Variants in LIMD1 observed in about 807,000 individuals in gnomAD.
LIMD1 encodes the protein LIM domain containing 1.
In LIMD1, 23 loss-of-function variants were observed where a neutral mutation model predicts 58.4. The ratio of observed to expected loss-of-function variants is 0.39; its 90% CI spans 0.28 to 0.56. The LOEUF (loss-of-function observed/expected upper bound fraction) is 0.56. Among genes scored for constraint, LIMD1 ranks in the 20% least tolerant of loss-of-function variants. LIMD1 has a pLI of 0.57. For synonymous variants in LIMD1, 334 were observed against 345.5 expected, an observed-to-expected ratio of 0.97 and a Z score of 0.37; for missense variants, 838 against 855.5, an observed-to-expected ratio of 0.98 and a Z score of 0.25.
At chr3:45,650,495 C>T (rs1157669133) in intron 2 of LIMD1, among the ~76,000 whole-genome samples, 4 of 143,598 alleles carry the variant, frequency 2.8e-5, no homozygotes, top group Non-Finnish European at 3.0e-5. Flanking sequence ...CAGCCCCCCA[C>T]CCCCCCCAAC....
chr3:45,652,758 A>G (rs1170374182), intron 2 of LIMD1, among the ~76,000 whole-genome samples: 1 of 152,180 alleles, frequency 6.6e-6, no homozygotes, highest in Non-Finnish European at 1.5e-5. Flanking sequence ...GACTTTGGTT[A>G]GTTTCCTCAC....
chr3:45,672,767 G>A lies in LIMD1; in HGVS notation c.1719G>A (p.Val573=). ...TCTGTAATGAGTGTTTGGATGGGGT[G>A]CCCTTCACCGTGGACTCAGAGAACA... ...CVICNECLDG[V]PFTVDSENKI... Residue 573 remains valine (V), a synonymous_variant, in exon 5 of 8, where the codon GTG becomes GTA. Coordinates refer to ENST00000273317, the MANE Select transcript of LIMD1 (RefSeq NM_014240.3). The A allele has an allele frequency of 6.2e-7, 1 of 1,614,064 alleles. No individual in the cohort carries two copies. Among genetic ancestry groups the A allele is most frequent in the Non-Finnish European group, 8.5e-7 (1 of 1,179,960 alleles).
chr3:45,606,542 C>G (rs534035114), intron 1 of LIMD1, among the ~76,000 whole-genome samples: 1 of 152,332 alleles, frequency 6.6e-6, no homozygotes, highest in Non-Finnish European at 1.5e-5. Flanking sequence ...GCACAAGTGC[C>G]TCCCTGCAGG....
intron 2 of LIMD1, among the ~76,000 whole-genome samples, chr3:45,646,666 C>T (rs550548508): frequency 2.6e-5 from 4 of 151,468 alleles, no homozygotes; most frequent in African/African-American, 9.7e-5. Flanking sequence ...TATTGGACTG[C>T]ATGTAAAGCC....
At chr3:45,644,314 CT>C (rs1224335237) in intron 2 of LIMD1, among the ~76,000 whole-genome samples, 1 of 152,150 alleles carries the variant, frequency 6.6e-6, no homozygotes, top group Non-Finnish European at 1.5e-5. Flanking sequence ...AATCCTTTCC[CT>C]TTTTTGTTGA....
intron 1 of LIMD1, among the ~76,000 whole-genome samples, chr3:45,627,485 G>A (rs17078140): frequency 0.069 from 10,518 of 152,158 alleles, 1,180 homozygotes; most frequent in African/African-American, 0.24. Context: ...TGGCACTTGT[G>A]ATGTTTAATA....
intron 2 of LIMD1, 92 bp from the exon 3 acceptor site, chr3:45,665,558 C>A: frequency 1.0e-6 from 1 of 1,002,030 alleles, no homozygotes; most frequent in Non-Finnish European, 1.6e-6. Flanking sequence ...GTGTTTATTT[C>A]TGCCTAAAGA....
rs1701815484 is a variant in LIMD1, at chr3:45,638,961, T to G, written c.1510+2710T>G. Among the ~76,000 whole-genome samples, 5 of 152,302 alleles carry G rather than the reference T, an allele frequency of 3.3e-5. No homozygotes were observed. In the South Asian group the frequency reaches 6.2e-4, roughly 19 times the overall value. ...ATGTAATTGTAGCTCACTGCAGCCT[T>G]GAACTCAAGCAACCCTTCTGCCTTA... is the stretch of plus-strand genomic sequence containing the variant. On this transcript the variant is annotated intron_variant, in intron 2 of 7. Transcript: ENST00000273317.
chr3:45,621,284 C>T (rs35494712), intron 1 of LIMD1, among the ~76,000 whole-genome samples: 7,104 of 152,128 alleles, frequency 0.047, 201 homozygotes, highest in East Asian at 0.14. Context: ...GACTGGACTG[C>T]AGTGGTGTGA....
chr3:45,665,334 C>T (rs945627047), intron 2 of LIMD1, among the ~76,000 whole-genome samples: 7 of 151,904 alleles, frequency 4.6e-5, no homozygotes, highest in Non-Finnish European at 1.0e-4. Flanking sequence ...CCTCTGCTGT[C>T]CTGCCACCAA....
intron 1 of LIMD1, among the ~76,000 whole-genome samples, chr3:45,604,774 G>C (rs1046833820): frequency 1.3e-5 from 2 of 152,178 alleles, no homozygotes; most frequent in African/African-American, 4.8e-5. Context: ...GTCCCGACAT[G>C]GATTCCCACA....
chr3:45,630,711 T>TG (rs901022121), intron 1 of LIMD1, among the ~76,000 whole-genome samples: 64 of 149,404 alleles, frequency 4.3e-4, no homozygotes, highest in East Asian at 1.6e-3. Context: ...CCCCTCATGA[T>TG]GGGGGGGGTT....
chr3:45,666,686 C>G (rs547589865), intron 3 of LIMD1, among the ~76,000 whole-genome samples: 1 of 152,298 alleles, frequency 6.6e-6, no homozygotes, highest in African/African-American at 2.4e-5. Flanking sequence ...GCTGTTAGCC[C>G]TGAGCAGTAT....
chr3:45,661,833 A>G (rs543678498), intron 2 of LIMD1, among the ~76,000 whole-genome samples: 1 of 152,326 alleles, frequency 6.6e-6, no homozygotes, highest in Non-Finnish European at 1.5e-5. Flanking sequence ...ATCTCAGCTC[A>G]CTGCAGTCTC....
chr3:45,612,582 G>A (rs1220691610), intron 1 of LIMD1, among the ~76,000 whole-genome samples: 1 of 152,184 alleles, frequency 6.6e-6, no homozygotes, highest in African/African-American at 2.4e-5. Flanking sequence ...GTAGTTCAGT[G>A]AGTTTTGACA....
intron 1 of LIMD1, among the ~76,000 whole-genome samples, chr3:45,625,176 A>G (rs1186454500): frequency 6.6e-6 from 1 of 152,040 alleles, no homozygotes; most frequent in African/African-American, 2.4e-5. Flanking sequence ...GATTTCTCTT[A>G]TGTGTGTTAT....
chr3:45,611,954 A>G (rs1701528425), intron 1 of LIMD1, among the ~76,000 whole-genome samples: 1 of 152,036 alleles, frequency 6.6e-6, no homozygotes, highest in Non-Finnish European at 1.5e-5. Context: ...GTAGCCAGAG[A>G]GCAGAGGAAG....
rs777094934 is a variant in LIMD1 at position 45,595,025 on chromosome 3, C to T, written c.146C>T (p.Ala49Val). 15 of 1,613,810 alleles carry T rather than the reference C, an allele frequency of 9.3e-6. No individual in the cohort carries two copies. Among genetic ancestry groups the T allele is most frequent in the Non-Finnish European group, 1.2e-5 (14 of 1,180,030 alleles). The change falls in exon 1 of 8, where the codon GCC becomes GTC. Residue 49 changes from alanine to valine, a missense_variant. Ala to Val is a moderately conservative substitution (Grantham distance 64). Around this residue, in one of 3 missense-constraint regions of LIMD1, gnomAD observed 659 missense variants for 639.8 expected, o/e 1.03. Transcript: ENST00000273317. ...PEFEETRRVFATKMAKIHLQQ... is the reference protein window; with the variant it reads ...PEFEETRRVFVTKMAKIHLQQ... ...TTTGAGGAAACTCGCAGGGTGTTCG[C>T]CACCAAGATGGCCAAAATCCACCTC...
At position 45,686,322 on chromosome 3, in the gene LIMD1, G is replaced by A. The variant is rs916573719; in HGVS notation, c.*9263G>A. ...GTCTCTCGGTCGCTGGCTAATAAAGGACTCTTAATTCGTCTTAAAGTGTGG... is the reference window on the plus strand; with the variant it reads ...GTCTCTCGGTCGCTGGCTAATAAAGAACTCTTAATTCGTCTTAAAGTGTGG... On this transcript the variant is annotated 3_prime_UTR_variant, in exon 8 of 8. Coordinates refer to ENST00000273317, the MANE Select transcript of LIMD1 (RefSeq NM_014240.3). The A allele has an allele frequency of 6.6e-6, 1 of 151,688 alleles. No individual in the cohort carries two copies. Among genetic ancestry groups the A allele is most frequent in the Non-Finnish European group, 1.5e-5 (1 of 67,974 alleles). The allele number at this position is 151,688 out of a possible 1,614,324, so 9.4% of individuals were successfully genotyped here.
Sources: allele counts gnomAD v4.1 joint callset (sites outside exome capture counted in the v4.1 genomes callset), GRCh38; gene constraint gnomAD v4.1.1; regional missense constraint gnomAD v4.1.1; transcripts MANE v1.5; gene names NCBI Gene and HGNC (gene_info 2026-07-23, HGNC 2026-07-21).